Variants in CSMD3 observed in about 807,000 individuals in gnomAD.
CSMD3 encodes CUB and Sushi multiple domains 3.
A neutral mutation model predicts 435.2 loss-of-function variants in CSMD3; 177 were observed. That is an observed-to-expected ratio of 0.41 (90% CI 0.36 to 0.46). The LOEUF is 0.46. Ranked by LOEUF, CSMD3 falls within the 20% of genes least tolerant of loss-of-function variation. The pLI is 0.34. For missense variants in CSMD3, 4,265 were observed against 4,504.6 expected (o/e 0.95, Z 1.52); for synonymous variants, 1,656 against 1,520.5 (o/e 1.09, Z -2.07).
At chr8:112,408,800 CT>C in intron 33 of CSMD3, 118 bp downstream of exon 33, 2 of 1,517,908 alleles carry the variant, frequency 1.3e-6, no homozygotes, top group Non-Finnish European at 1.8e-6. Context: ...AAAGGTGACA[CT>C]ATTTTCAGTT....
rs2093817349 is a variant in CSMD3, at chr8:113,305,935, T to C, written c.401+8636A>G. Reference sequence around the variant, plus strand: ...TTAGGTAGGGGGATACTAAACACAATATAATGGTATTTTCAAGTTTGTATA... The same window carrying C: ...TTAGGTAGGGGGATACTAAACACAACATAATGGTATTTTCAAGTTTGTATA... On this transcript the variant is annotated intron_variant, in intron 2 of 70. Coordinates refer to ENST00000297405, the MANE Select transcript of CSMD3 (RefSeq NM_198123.2). Among the ~76,000 whole-genome samples, 4 of 152,250 alleles carry C rather than the reference T, an allele frequency of 2.6e-5. No individual in the cohort carries two copies. The South Asian group carries it at 8.3e-4, about 32-fold the overall frequency.
intron 30 of CSMD3, among the ~76,000 whole-genome samples, chr8:112,493,263 T>C: frequency 6.6e-6 from 1 of 152,162 alleles, no homozygotes; most frequent in East Asian, 1.9e-4. Context: ...TTTTAGAATT[T>C]ATTATAAATA....
intron 35 of CSMD3, among the ~76,000 whole-genome samples, chr8:112,393,450 C>G (rs1195373935): frequency 6.6e-6 from 1 of 152,140 alleles, no homozygotes; most frequent in South Asian, 2.1e-4. Flanking sequence ...TACCATAGCA[C>G]CAAATGTTTT....
Position 112,517,106 on chromosome 8 carries a change from C to T in CSMD3, c.4684G>A (p.Gly1562Arg), listed in dbSNP as rs1480046849. ...FQCDPGYELQ[G>R]EERITCIQVE... ...TGAATGCAGGTTATTCTTTCCTCTC[C>T]TTGAAGTTCATATCCTGGGTCACAT... Residue 1562 changes from glycine to arginine, a missense_variant, in exon 28 of 71, where the codon GGA becomes AGA. Coordinates refer to ENST00000297405, the MANE Select transcript of CSMD3 (RefSeq NM_198123.2). 6.2e-7 allele frequency: 1 copy of T among 1,613,792 alleles called. No individual in the cohort carries two copies. Among genetic ancestry groups the T allele is most frequent in the Non-Finnish European group, 8.5e-7 (1 of 1,179,908 alleles).
intron 50 of CSMD3, 144 bp from the exon 51 acceptor site, chr8:112,306,336 T>C: frequency 1.5e-6 from 1 of 680,408 alleles, no homozygotes; most frequent in Non-Finnish European, 2.6e-6. Context: ...ACAGAAATAC[T>C]TTCCGAACCA....
At chr8:112,248,405 A>G (rs767133336) in intron 63 of CSMD3, among the ~76,000 whole-genome samples, 3 of 152,096 alleles carry the variant, frequency 2.0e-5, no homozygotes, top group Non-Finnish European at 2.9e-5. Context: ...GTGGATAAAA[A>G]CTGTACTAAC....
chr8:112,638,443 T>C lies in CSMD3; in HGVS notation c.3526+253A>G, dbSNP rs368243918. ...TTTTCAGGATTGTAAATTAAAGAAA[T>C]GTAATTATTGTACTTCCGGTAGATT... On this transcript the variant is annotated intron_variant, in intron 21 of 70. Coordinates refer to ENST00000297405, the MANE Select transcript of CSMD3 (RefSeq NM_198123.2). Among the ~76,000 whole-genome samples the C allele has an allele frequency of 5.3e-5, 8 of 151,256 alleles. No individual in the cohort carries two copies. In the South Asian group the frequency reaches 1.7e-3, roughly 31 times the overall value.
intron 1 of CSMD3, among the ~76,000 whole-genome samples, chr8:113,419,588 GA>G (rs2094599845): frequency 6.6e-6 from 1 of 152,072 alleles, no homozygotes; most frequent in Non-Finnish European, 1.5e-5. Flanking sequence ...CTTGGGTCTG[GA>G]GTGCAGCTTT....
At chr8:113,053,499 C>T (rs1362187815) in intron 5 of CSMD3, among the ~76,000 whole-genome samples, 1 of 151,952 alleles carries the variant, frequency 6.6e-6, no homozygotes, top group African/African-American at 2.4e-5. Context: ...TATTGACTTG[C>T]TGACCTTTGA....
chr8:112,805,061 C>T (rs369996013), intron 12 of CSMD3, among the ~76,000 whole-genome samples: 1 of 152,266 alleles, frequency 6.6e-6, no homozygotes, highest in Middle Eastern at 3.4e-3. Context: ...CTTCTACTTG[C>T]TCTTTTTCTT....
intron 4 of CSMD3, among the ~76,000 whole-genome samples, chr8:113,106,904 T>C (rs1314572369): frequency 6.6e-6 from 1 of 152,074 alleles, no homozygotes; most frequent in Non-Finnish European, 1.5e-5. Flanking sequence ...TGTTCACCCA[T>C]TGAAAGTGTA....
chr8:112,283,482 T>C (rs948122984), intron 58 of CSMD3, among the ~76,000 whole-genome samples: 6 of 151,712 alleles, frequency 4.0e-5, no homozygotes, highest in Admixed American at 2.0e-4. Flanking sequence ...TATATATGCA[T>C]ATGTGTATAT....
At chr8:113,154,244 TAGTGGGTGATTATTTATAGAATGTCTG>T (rs2091889972) in intron 4 of CSMD3, among the ~76,000 whole-genome samples, 1 of 152,030 alleles carries the variant, frequency 6.6e-6, no homozygotes, top group Non-Finnish European at 1.5e-5. Flanking sequence ...AATTATTTTT[TAGTGGGTGATTATTTATAGAATGTCTG>T]AATGTGACCA....
At chr8:112,503,507 A>G (rs542241438) in intron 30 of CSMD3, among the ~76,000 whole-genome samples, 24 of 152,092 alleles carry the variant, frequency 1.6e-4, no homozygotes, top group Middle Eastern at 3.4e-3. Flanking sequence ...TGTATTTTTT[A>G]TTTTTTAATG....
chr8:113,171,547 T>C (rs1384411443), intron 4 of CSMD3, among the ~76,000 whole-genome samples: 2 of 152,150 alleles, frequency 1.3e-5, no homozygotes, highest in Non-Finnish European at 2.9e-5. Context: ...TTATGGTTTT[T>C]TTTTTAAAGA....
chr8:112,410,103 G>T (rs1832197641), intron 32 of CSMD3, among the ~76,000 whole-genome samples: 2 of 151,622 alleles, frequency 1.3e-5, no homozygotes, highest in African/African-American at 4.8e-5. Context: ...TTACTAACAG[G>T]CTAATTCACT....
rs1818453023 is a variant in CSMD3 at position 112,279,802 on chromosome 8, A to C, written c.9508+1372T>G. On this transcript the variant is annotated intron_variant, in intron 59 of 70. Transcript: ENST00000297405. ...TGTTGGTTCCTATCAATAACTGGAA[A>C]ATATTTTGCTATTATAGGTTTAGTG... 2.0e-5 allele frequency among the ~76,000 whole-genome samples: 3 copies of C among 152,104 alleles called. No individual in the cohort carries two copies. The South Asian group carries it at 6.2e-4, about 32-fold the overall frequency.
At chr8:112,807,533 T>A (rs398046985) in intron 12 of CSMD3, among the ~76,000 whole-genome samples, 3 of 79,808 alleles carry the variant, frequency 3.8e-5, no homozygotes, top group Admixed American at 1.1e-4. Flanking sequence ...GGTAGGTAGG[T>A]AGGTAGGAAA....
chr8:113,006,447 C>T (rs1478750703), intron 6 of CSMD3, among the ~76,000 whole-genome samples: 2 of 151,984 alleles, frequency 1.3e-5, no homozygotes, highest in African/African-American at 4.8e-5. Context: ...AGAGTGATAC[C>T]TTTTAGCACC....
Sources: gnomAD v4.1 joint callset for allele counts (sites outside exome capture counted in the v4.1 genomes callset) on GRCh38, gnomAD v4.1.1 for gene constraint, MANE v1.5 for transcripts, NCBI Gene and HGNC (gene_info 2026-07-23, HGNC 2026-07-21) for gene names.